SPIN1: variants seen among roughly 807,000 people sequenced by gnomAD.
SPIN1 encodes the protein spindlin 1, also known as spindlin-1.
SPIN1 carries 3 observed loss-of-function variants against 26.0 expected under a neutral mutation model. The ratio of observed to expected loss-of-function variants is 0.12; its 90% CI spans 0.05 to 0.30. The LOEUF (loss-of-function observed/expected upper bound fraction) is 0.30, where lower values mean the gene tolerates loss of function less well. SPIN1 is among the 10% of genes least tolerant of loss of function. The pLI, the probability that SPIN1 is intolerant of heterozygous loss-of-function variation, is 1.00. For missense variants in SPIN1, 126 were observed against 333.4 expected (o/e 0.38, Z 4.84); for synonymous variants, 101 against 116.5 (o/e 0.87, Z 0.86).
intron 1 of SPIN1, among the ~76,000 whole-genome samples, chr9:88,419,381 GAC>G (rs1252957252): frequency 2.6e-5 from 4 of 152,300 alleles, no homozygotes; most frequent in Admixed American, 2.0e-4. Flanking sequence ...GTAGGGGAAT[GAC>G]ACAGCAGCAG....
At chr9:88,411,385 GGTT>G in intron 1 of SPIN1, 2 of 1,592,620 alleles carry the variant, frequency 1.3e-6, no homozygotes, top group Admixed American at 3.3e-5. Flanking sequence ...GGCTCTCATC[GGTT>G]GTTTCAAAGC....
chr9:88,398,933 G>C (rs1289203194), intron 1 of SPIN1, among the ~76,000 whole-genome samples: 1 of 151,758 alleles, frequency 6.6e-6, no homozygotes, highest in Non-Finnish European at 1.5e-5. Flanking sequence ...AAACCCCTAG[G>C]ATGGATAAAG....
At chr9:88,437,086 T>C (rs1828017578) in intron 2 of SPIN1, among the ~76,000 whole-genome samples, 1 of 152,098 alleles carries the variant, frequency 6.6e-6, no homozygotes, top group Admixed American at 6.5e-5. Context: ...TTTTTATGGC[T>C]TGATAGTTCA....
intron 3 of SPIN1, among the ~76,000 whole-genome samples, chr9:88,449,242 T>A (rs974005029): frequency 6.6e-6 from 1 of 151,948 alleles, no homozygotes; most frequent in African/African-American, 2.4e-5. Flanking sequence ...GAAGGAAAAC[T>A]GTTATGGTAA....
chr9:88,432,709 G>A (rs192926013), intron 2 of SPIN1, among the ~76,000 whole-genome samples: 45 of 152,004 alleles, frequency 3.0e-4, no homozygotes, highest in African/African-American at 1.0e-3. Context: ...GGCTGGTCTC[G>A]AACTCCTGAT....
At chr9:88,430,766 A>G (rs781669479) in intron 2 of SPIN1, among the ~76,000 whole-genome samples, 5 of 152,256 alleles carry the variant, frequency 3.3e-5, no homozygotes, top group Non-Finnish European at 5.9e-5. Flanking sequence ...GACATTGGGT[A>G]ACAAGTACTA....
At chr9:88,409,792 C>A (rs973787502) in intron 1 of SPIN1, among the ~76,000 whole-genome samples, 1 of 151,112 alleles carries the variant, frequency 6.6e-6, no homozygotes, top group African/African-American at 2.4e-5. Flanking sequence ...GAGCTGAGAT[C>A]GCGCCACTGC....
intron 2 of SPIN1, among the ~76,000 whole-genome samples, chr9:88,440,360 T>C (rs557687805): frequency 9.7e-4 from 148 of 152,258 alleles, no homozygotes; most frequent in African/African-American, 3.5e-3. Context: ...AGTTTCACCA[T>C]GTTACAAAGG....
chr9:88,443,729 T>C (rs1352438461), intron 2 of SPIN1, among the ~76,000 whole-genome samples: 16 of 152,182 alleles, frequency 1.1e-4, no homozygotes, highest in Non-Finnish European at 2.9e-5. Context: ...CAGTCTGTAG[T>C]CCTATGATTG....
chr9:88,455,005 T>A (rs1419965772), intron 3 of SPIN1, among the ~76,000 whole-genome samples: 2 of 152,230 alleles, frequency 1.3e-5, no homozygotes, highest in African/African-American at 2.4e-5. Context: ...TCTTTAATCC[T>A]TCTTTTGGAA....
chr9:88,412,257 A>G (rs769744759), intron 1 of SPIN1, among the ~76,000 whole-genome samples: 3 of 152,184 alleles, frequency 2.0e-5, no homozygotes, highest in Non-Finnish European at 4.4e-5. Context: ...CTGATATGAC[A>G]AGATATTCCA....
At chr9:88,451,010 C>T (rs1012866878) in intron 3 of SPIN1, among the ~76,000 whole-genome samples, 7 of 152,036 alleles carry the variant, frequency 4.6e-5, no homozygotes, top group African/African-American at 1.7e-4. Context: ...CTAAGGTTGG[C>T]TTAATCCTGT....
At chr9:88,393,302 C>A (rs1410184503) in intron 1 of SPIN1, among the ~76,000 whole-genome samples, 1 of 151,330 alleles carries the variant, frequency 6.6e-6, no homozygotes, top group Admixed American at 6.6e-5. Context: ...TTTTTTAAAA[C>A]TAGGTTATAT....
intron 4 of SPIN1, among the ~76,000 whole-genome samples, chr9:88,464,958 T>G (rs1190027475): frequency 6.6e-6 from 1 of 152,226 alleles, no homozygotes; most frequent in Non-Finnish European, 1.5e-5. Flanking sequence ...ACACTCTGTC[T>G]CTATGAATTT....
chr9:88,429,191 C>T (rs1403258125), intron 2 of SPIN1, among the ~76,000 whole-genome samples: 1 of 152,120 alleles, frequency 6.6e-6, no homozygotes, highest in Non-Finnish European at 1.5e-5. Flanking sequence ...TTATGTAATT[C>T]AATACAACAC....
chr9:88,404,924 A>C (rs1300600500), intron 1 of SPIN1, among the ~76,000 whole-genome samples: 13 of 97,506 alleles, frequency 1.3e-4, no homozygotes, highest in African/African-American at 1.5e-4. Flanking sequence ...TCAAAAAAAA[A>C]AAAAACAAAA....
At chr9:88,437,358 C>T (rs1009389110) in intron 2 of SPIN1, among the ~76,000 whole-genome samples, 4 of 151,646 alleles carry the variant, frequency 2.6e-5, no homozygotes, top group Non-Finnish European at 4.4e-5. Context: ...AGTAGTGGAG[C>T]GTGGTGGCTC....
At chr9:88,449,647 TATA>T (rs1298004245) in intron 3 of SPIN1, among the ~76,000 whole-genome samples, 2 of 152,202 alleles carry the variant, frequency 1.3e-5, no homozygotes, top group African/African-American at 4.8e-5. Flanking sequence ...TGTTTTCAAT[TATA>T]ATATTCACTT....
intron 1 of SPIN1, among the ~76,000 whole-genome samples, chr9:88,395,510 ATTG>A (rs1827034633): frequency 6.6e-6 from 1 of 152,044 alleles, no homozygotes; most frequent in African/African-American, 2.4e-5. Context: ...TTGTGGGTAT[ATTG>A]TTTTTTATTT....
Sources: gnomAD v4.1 joint callset for allele counts (sites outside exome capture counted in the v4.1 genomes callset) on GRCh38, gnomAD v4.1.1 for gene constraint, MANE v1.5 for transcripts, NCBI Gene and HGNC (gene_info 2026-07-23, HGNC 2026-07-21) for gene names.